Variants in KCNT2 observed in about 807,000 individuals in gnomAD.
The protein encoded by KCNT2 is potassium channel subfamily T member 2.
Under a neutral mutation model 153.8 loss-of-function variants are expected in KCNT2, and 67 were observed. The observed-to-expected ratio is 0.44, with a 90% CI of 0.36 to 0.53. The LOEUF is 0.53. Ranked by LOEUF, KCNT2 falls within the 20% of genes least tolerant of loss-of-function variation. KCNT2 has a pLI of 0.00. For missense variants in KCNT2, 975 were observed against 1,354.8 expected, an observed-to-expected ratio of 0.72 and a Z score of 4.40; for synonymous variants, 500 against 458.8, an observed-to-expected ratio of 1.09 and a Z score of -1.15.
chr1:196,413,995 T>G (rs1311323172), intron 12 of KCNT2, among the ~76,000 whole-genome samples: 1 of 151,626 alleles, frequency 6.6e-6, no homozygotes, highest in Non-Finnish European at 1.5e-5. Context: ...TTTTATAAAT[T>G]CAGCAATAAT....
chr1:196,534,184 T>C (rs1655272575), intron 1 of KCNT2, among the ~76,000 whole-genome samples: 1 of 152,182 alleles, frequency 6.6e-6, no homozygotes, highest in South Asian at 2.1e-4. Flanking sequence ...ACTGTTCCCA[T>C]ATCTCATGGT....
At chr1:196,273,367 T>C (rs1353398352) in intron 25 of KCNT2, 1 of 722,092 alleles carries the variant, frequency 1.4e-6, no homozygotes, top group Non-Finnish European at 2.3e-6. Flanking sequence ...CATTTTAATG[T>C]CTGAGTATTA....
chr1:196,578,592 T>C (rs1661651424), intron 1 of KCNT2, among the ~76,000 whole-genome samples: 2 of 152,198 alleles, frequency 1.3e-5, no homozygotes, highest in Non-Finnish European at 2.9e-5. Context: ...GCAGGGGCTA[T>C]GTTAAAGTCC....
intron 1 of KCNT2, among the ~76,000 whole-genome samples, chr1:196,586,670 C>G (rs1260764784): frequency 6.6e-6 from 1 of 151,750 alleles, no homozygotes; most frequent in African/African-American, 2.4e-5. Context: ...AAGAAATAGT[C>G]AGAGGCAAAT....
At chr1:196,400,448 C>T (rs1038033532) in intron 12 of KCNT2, among the ~76,000 whole-genome samples, 3 of 151,716 alleles carry the variant, frequency 2.0e-5, no homozygotes, top group African/African-American at 4.8e-5. Context: ...TAAATTTCCT[C>T]ATTAGTAAAA....
chr1:196,314,607 TTAAA>T (rs1355189905), intron 21 of KCNT2, among the ~76,000 whole-genome samples: 1 of 150,996 alleles, frequency 6.6e-6, no homozygotes, highest in Non-Finnish European at 1.5e-5. Context: ...GACAGATTCT[TTAAA>T]TAACTGATCT....
chr1:196,502,443 A>G (rs1300886762), intron 1 of KCNT2, among the ~76,000 whole-genome samples: 1 of 152,196 alleles, frequency 6.6e-6, no homozygotes, highest in Non-Finnish European at 1.5e-5. Flanking sequence ...ACACATAGAG[A>G]CACGTATATG....
intron 1 of KCNT2, among the ~76,000 whole-genome samples, chr1:196,551,019 G>C (rs1003675048): frequency 2.0e-5 from 3 of 151,776 alleles, no homozygotes; most frequent in Non-Finnish European, 2.9e-5. Context: ...ACAGTTCATA[G>C]TGCATGCTTT....
At chr1:196,322,590 C>G (rs1484646225) in intron 19 of KCNT2, among the ~76,000 whole-genome samples, 1 of 151,832 alleles carries the variant, frequency 6.6e-6, no homozygotes, top group Admixed American at 6.6e-5. Flanking sequence ...TATAGAAATT[C>G]TCATAGCAAA....
chr1:196,409,029 ATTG>A (rs1672067815), intron 12 of KCNT2, among the ~76,000 whole-genome samples: 1 of 150,230 alleles, frequency 6.7e-6, no homozygotes, highest in Non-Finnish European at 1.5e-5. Context: ...CTTCATGTAT[ATTG>A]AGGGTTTTTT....
intron 14 of KCNT2, among the ~76,000 whole-genome samples, chr1:196,363,280 T>C (rs1572175060): frequency 1.3e-5 from 2 of 152,122 alleles, no homozygotes; most frequent in East Asian, 3.9e-4. Context: ...CTTCATGTTG[T>C]TTCTTTTGAC....
At chr1:196,590,223 T>C (rs922542700) in intron 1 of KCNT2, among the ~76,000 whole-genome samples, 2 of 152,152 alleles carry the variant, frequency 1.3e-5, no homozygotes, top group Non-Finnish European at 2.9e-5. Context: ...TCTTTACTTT[T>C]CCCACACTTT....
At chr1:196,303,859 A>G (rs907809341) in intron 22 of KCNT2, among the ~76,000 whole-genome samples, 1 of 152,172 alleles carries the variant, frequency 6.6e-6, no homozygotes, top group African/African-American at 2.4e-5. Context: ...GTACTACTAC[A>G]TCATGCCAGC....
At chr1:196,313,751 G>A (rs1462159821) in intron 21 of KCNT2, among the ~76,000 whole-genome samples, 2 of 151,354 alleles carry the variant, frequency 1.3e-5, no homozygotes, top group African/African-American at 4.8e-5. Context: ...GTCATGATAG[G>A]GCATAAGAAA....
In KCNT2 at chr1:196,226,500, A is replaced by G. The variant is rs1653501805; in HGVS notation, c.*1724T>C. 6.6e-6 allele frequency: 1 copy of G among 152,018 alleles called. No homozygotes were observed. The highest frequency in any genetic ancestry group is 1.5e-5 in the Non-Finnish European group (1 of 67,868). The allele number at this position is 152,018 out of a possible 1,614,324, so 9.4% of individuals were successfully genotyped here. ...TTTTAGCTAACCTGTTATAAATTCT[A>G]CTTCTCTGATCAAAGTAGATTAAAT... On this transcript the variant is annotated 3_prime_UTR_variant, in exon 28 of 28. Coordinates refer to ENST00000294725, the MANE Select transcript of KCNT2 (RefSeq NM_198503.5).
chr1:196,552,494 C>A (rs749512699), intron 1 of KCNT2, among the ~76,000 whole-genome samples: 1 of 151,344 alleles, frequency 6.6e-6, no homozygotes, highest in Non-Finnish European at 1.5e-5. Flanking sequence ...TCATTAACAC[C>A]AGACCTCTCC....
Position 196,267,741 on chromosome 1 carries a change from T to A in KCNT2, c.2911-9247A>T, listed in dbSNP as rs1657683971. 9.2e-5 allele frequency among the ~76,000 whole-genome samples: 14 copies of A among 152,268 alleles called. No homozygotes were observed. In the South Asian group the frequency reaches 2.7e-3, roughly 29 times the overall value. On this transcript the variant is annotated intron_variant, in intron 25 of 27. Transcript: ENST00000294725. ...ATCAGATGCCCTGCGCTCAGGACTG[T>A]GCACTCAGTGGTCCACTGTGCCTTT... is the stretch of plus-strand genomic sequence containing the variant.
At chr1:196,301,397 A>G (rs554922949) in intron 22 of KCNT2, among the ~76,000 whole-genome samples, 33 of 152,210 alleles carry the variant, frequency 2.2e-4, no homozygotes, top group African/African-American at 5.3e-4. Context: ...GCCTTTTGTG[A>G]GTTTCAGCAA....
chr1:196,582,151 T>A (rs971471126), intron 1 of KCNT2, among the ~76,000 whole-genome samples: 2 of 152,094 alleles, frequency 1.3e-5, no homozygotes, highest in African/African-American at 4.8e-5. Context: ...TACATCTTAG[T>A]ATCCCCTTCC....
Sources: gnomAD v4.1 joint callset for allele counts (sites outside exome capture counted in the v4.1 genomes callset) on GRCh38, gnomAD v4.1.1 for gene constraint, MANE v1.5 for transcripts, NCBI Gene and HGNC (gene_info 2026-07-23, HGNC 2026-07-21) for gene names.